Variants in TOPAZ1 observed in about 807,000 individuals in gnomAD.
TOPAZ1 encodes protein TOPAZ1.
In TOPAZ1, 66 loss-of-function variants were observed where a neutral mutation model predicts 172.2. That is an observed-to-expected ratio of 0.38 (90% CI 0.31 to 0.47). The LOEUF is 0.47. Ranked by LOEUF, TOPAZ1 falls within the 20% of genes least tolerant of loss-of-function variation. The pLI is 0.99. For synonymous variants in TOPAZ1, 681 were observed against 683.9 expected, an observed-to-expected ratio of 1.00 and a Z score of 0.07; for missense variants, 1,822 against 1,972.4, an observed-to-expected ratio of 0.92 and a Z score of 1.44.
At chr3:44,250,472 G>T (rs1699617936) in intron 2 of TOPAZ1, among the ~76,000 whole-genome samples, 1 of 151,730 alleles carries the variant, frequency 6.6e-6, no homozygotes, top group Non-Finnish European at 1.5e-5. Context: ...TGTCTACCCT[G>T]TGCTAGATAC....
intron 2 of TOPAZ1, among the ~76,000 whole-genome samples, chr3:44,249,264 A>G (rs1229032925): frequency 3.9e-5 from 6 of 152,028 alleles, no homozygotes; most frequent in Non-Finnish European, 1.5e-5. Context: ...GTGGGGGACT[A>G]ATGTGTTTTA....
intron 8 of TOPAZ1, among the ~76,000 whole-genome samples, chr3:44,277,029 G>C (rs959922316): frequency 6.6e-6 from 1 of 152,060 alleles, no homozygotes; most frequent in African/African-American, 2.4e-5. Flanking sequence ...CTGACTTCAT[G>C]ATCTGCCTGC....
At chr3:44,327,718 G>T (rs1176098326) in intron 18 of TOPAZ1, among the ~76,000 whole-genome samples, 6 of 147,082 alleles carry the variant, frequency 4.1e-5, no homozygotes, top group Admixed American at 1.4e-4. Flanking sequence ...TTTTCAGAGT[G>T]TTTTTTTTTT....
chr3:44,262,920 C>T (rs1411346510), intron 5 of TOPAZ1, among the ~76,000 whole-genome samples: 1 of 152,180 alleles, frequency 6.6e-6, no homozygotes, highest in Non-Finnish European at 1.5e-5. Context: ...GATCCATCCT[C>T]CACCACCCTC....
chr3:44,245,010 A>C lies in TOPAZ1; in HGVS notation c.2504A>C (p.Glu835Ala). 1 of 1,551,694 alleles carries C rather than the reference A, an allele frequency of 6.4e-7. No individual in the cohort carries two copies. Among genetic ancestry groups the C allele is most frequent in the Non-Finnish European group, 8.7e-7 (1 of 1,146,998 alleles). Reference sequence around the variant, plus strand: ...GAAACATTCCGACCAGTGTCCAGTGAAGTTAGGGGTAGAAAAATAACTAAG... The same window carrying C: ...GAAACATTCCGACCAGTGTCCAGTGCAGTTAGGGGTAGAAAAATAACTAAG... ...EQETFRPVSS[E>A]VRGRKITKNF... The change falls in exon 2 of 20, where the codon GAA becomes GCA. Residue 835 changes from glutamate to alanine, a missense_variant. Transcript: ENST00000309765.
At chr3:44,256,347 A>G in intron 4 of TOPAZ1, 69 bp downstream of exon 4, 1 of 1,422,742 alleles carries the variant, frequency 7.0e-7, no homozygotes, top group Non-Finnish European at 9.3e-7. Context: ...AATCCATCTT[A>G]ACAGTGCTAT....
rs1484171784 is a variant in TOPAZ1, at chr3:44,270,804, T to C, written c.3366T>C (p.Asp1122=). 6.5e-7 allele frequency: 1 copy of C among 1,545,384 alleles called. No homozygotes were observed. The highest frequency in any genetic ancestry group is 2.0e-5 in the Admixed American group (1 of 49,906). ...CKFAHVPEQG[D]EKVCMDVFKK... is the part of the protein sequence containing the mutation. ...TTGCTCATGTGCCTGAACAAGGGGATGAAAAGGTAAAACATATAAAGTCTT... is the reference window on the plus strand; with the variant it reads ...TTGCTCATGTGCCTGAACAAGGGGACGAAAAGGTAAAACATATAAAGTCTT... The change falls in exon 8 of 20, where the codon GAT becomes GAC. Residue 1122 remains aspartate (D), a synonymous_variant. Coordinates refer to ENST00000309765, the MANE Select transcript of TOPAZ1 (RefSeq NM_001145030.2).
At chr3:44,291,765 T>TA (rs1700140923) in intron 12 of TOPAZ1, among the ~76,000 whole-genome samples, 2 of 151,644 alleles carry the variant, frequency 1.3e-5, no homozygotes, top group African/African-American at 4.8e-5. Flanking sequence ...AAATGAATCA[T>TA]AACTTTTTAA....
chr3:44,320,078 T>G (rs1271777029), intron 16 of TOPAZ1, among the ~76,000 whole-genome samples: 1 of 152,204 alleles, frequency 6.6e-6, no homozygotes, highest in East Asian at 1.9e-4. Flanking sequence ...CCCATTGTTT[T>G]TCTCAATGTG....
chr3:44,317,397 G>A (rs1700463327), intron 16 of TOPAZ1, among the ~76,000 whole-genome samples: 1 of 152,034 alleles, frequency 6.6e-6, no homozygotes, highest in Non-Finnish European at 1.5e-5. Flanking sequence ...CTTCAGCCTG[G>A]GCAAGAGAGC....
At chr3:44,331,716 T>A in intron 19 of TOPAZ1, 76 bp from the exon 20 acceptor site, 1 of 1,139,904 alleles carries the variant, frequency 8.8e-7, no homozygotes, top group African/African-American at 1.6e-5. Context: ...TACCAGTAAA[T>A]GTAAATGACT....
intron 19 of TOPAZ1, among the ~76,000 whole-genome samples, chr3:44,330,311 C>A (rs1372267268): frequency 1.3e-5 from 2 of 152,080 alleles, no homozygotes; most frequent in African/African-American, 4.8e-5. Context: ...CATGCAACTT[C>A]TTTGTTTACT....
At chr3:44,320,680 A>G (rs920125816) in intron 16 of TOPAZ1, among the ~76,000 whole-genome samples, 10 of 152,234 alleles carry the variant, frequency 6.6e-5, no homozygotes, top group Admixed American at 6.5e-4. Context: ...AAATTGTTAA[A>G]CTTGTCCACA....
chr3:44,252,528 A>C (rs770193343), intron 2 of TOPAZ1, among the ~76,000 whole-genome samples: 17 of 152,220 alleles, frequency 1.1e-4, no homozygotes, highest in Non-Finnish European at 1.6e-4. Context: ...CTGTTTGGCA[A>C]CTATGGTATT....
chr3:44,268,191 A>G (rs1040217641), intron 6 of TOPAZ1, among the ~76,000 whole-genome samples: 54 of 151,996 alleles, frequency 3.6e-4, no homozygotes, highest in African/African-American at 1.2e-3. Context: ...AAGGGCTCAA[A>G]CAACAGAAAT....
chr3:44,308,512 T>A (rs1407005880), intron 15 of TOPAZ1, among the ~76,000 whole-genome samples: 8 of 152,204 alleles, frequency 5.3e-5, no homozygotes, highest in Non-Finnish European at 1.2e-4. Flanking sequence ...CACATTTTTT[T>A]AATCCAGTCT....
intron 15 of TOPAZ1, among the ~76,000 whole-genome samples, chr3:44,307,266 C>T (rs1482979751): frequency 6.6e-6 from 1 of 152,128 alleles, no homozygotes; most frequent in Non-Finnish European, 1.5e-5. Context: ...AGTTGATCCA[C>T]CCGCCTCAGC....
intron 12 of TOPAZ1, among the ~76,000 whole-genome samples, chr3:44,299,308 T>A (rs1391167936): frequency 2.0e-5 from 3 of 151,982 alleles, no homozygotes; most frequent in African/African-American, 7.3e-5. Context: ...AACAGACACG[T>A]CTCAAAAGAA....
chr3:44,283,055 G>A (rs1247941914), intron 9 of TOPAZ1, among the ~76,000 whole-genome samples: 1 of 152,080 alleles, frequency 6.6e-6, no homozygotes, highest in African/African-American at 2.4e-5. Context: ...GAAGGAAAAA[G>A]GATGTCATGA....
Sources: gnomAD v4.1 joint callset for allele counts (sites outside exome capture counted in the v4.1 genomes callset) on GRCh38, gnomAD v4.1.1 for gene constraint, MANE v1.5 for transcripts, NCBI Gene and HGNC (gene_info 2026-07-23, HGNC 2026-07-21) for gene names.